The following PID1 variants were observed in gnomAD, a reference collection of about 807,000 sequenced individuals.
PID1 encodes the protein phosphotyrosine interaction domain containing 1.
In PID1, 10 loss-of-function variants were observed where a neutral mutation model predicts 19.1. That is an observed-to-expected ratio of 0.52 (90% CI 0.32 to 0.89). The LOEUF (loss-of-function observed/expected upper bound fraction) is 0.89. Ranked by LOEUF, PID1 falls within the 40% of genes least tolerant of loss-of-function variation. PID1 has a pLI of 0.03. For synonymous variants in PID1, 130 were observed against 116.0 expected, an observed-to-expected ratio of 1.12 and a Z score of -0.78; for missense variants, 248 against 285.3, an observed-to-expected ratio of 0.87 and a Z score of 0.94.
intron 2 of PID1, among the ~76,000 whole-genome samples, chr2:229,125,080 T>G (rs1644247835): frequency 6.6e-6 from 1 of 152,230 alleles, no homozygotes; most frequent in African/African-American, 2.4e-5. Context: ...GATCAGACTT[T>G]ACTCTTTCAA....
chr2:229,223,909 CT>C (rs1352703801), intron 1 of PID1, among the ~76,000 whole-genome samples: 1 of 152,180 alleles, frequency 6.6e-6, no homozygotes, highest in African/African-American at 2.4e-5. Context: ...CCAATCGGTA[CT>C]TTTTCAACCC....
intron 2 of PID1, among the ~76,000 whole-genome samples, chr2:229,146,771 T>C (rs1332175812): frequency 3.9e-5 from 6 of 152,030 alleles, no homozygotes; most frequent in Admixed American, 3.9e-4. Flanking sequence ...ACAAGTGTCC[T>C]TATAAGAAAG....
At chr2:229,203,861 T>C (rs1410071967) in intron 1 of PID1, among the ~76,000 whole-genome samples, 1 of 152,078 alleles carries the variant, frequency 6.6e-6, no homozygotes, top group Non-Finnish European at 1.5e-5. Context: ...CCTTCAGATT[T>C]CATTTTAATG....
chr2:229,184,474 ATCCC>A (rs1337597265), intron 1 of PID1, among the ~76,000 whole-genome samples: 1 of 22,286 alleles, frequency 4.5e-5, no homozygotes, highest in African/African-American at 3.5e-4. Flanking sequence ...GTATATATAT[ATCCC>A]GTATATATAT....
At chr2:229,184,978 A>AC (rs1691089856) in intron 1 of PID1, among the ~76,000 whole-genome samples, 1 of 26,964 alleles carries the variant, frequency 3.7e-5, no homozygotes, top group South Asian at 5.8e-4. Context: ...TATACTATAT[A>AC]TATACTATAT....
intron 2 of PID1, among the ~76,000 whole-genome samples, chr2:229,106,037 C>T (rs558538548): frequency 1.4e-5 from 2 of 140,082 alleles, no homozygotes; most frequent in South Asian, 4.4e-4. Context: ...TGAGATTGCG[C>T]CACTGCATTC....
chr2:229,202,653 T>G (rs1333980891), intron 1 of PID1, among the ~76,000 whole-genome samples: 3 of 152,080 alleles, frequency 2.0e-5, no homozygotes, highest in Non-Finnish European at 4.4e-5. Context: ...AAGCTAAATC[T>G]TCCTGTCACC....
chr2:229,116,788 A>G, intron 2 of PID1, among the ~76,000 whole-genome samples: 1 of 152,138 alleles, frequency 6.6e-6, no homozygotes, highest in Non-Finnish European at 1.5e-5. Flanking sequence ...GAACAGACTA[A>G]TACAGTTGCC....
intron 1 of PID1, among the ~76,000 whole-genome samples, chr2:229,212,933 C>T (rs1011649315): frequency 6.6e-6 from 1 of 152,052 alleles, no homozygotes; most frequent in Non-Finnish European, 1.5e-5. Context: ...TCCCGTGACC[C>T]CAAGCTAGTT....
chr2:229,070,155 T>G (rs764909563), intron 2 of PID1, among the ~76,000 whole-genome samples: 1 of 152,150 alleles, frequency 6.6e-6, no homozygotes, highest in Non-Finnish European at 1.5e-5. Flanking sequence ...TTTCTAAATA[T>G]GTAAGAGCTG....
intron 2 of PID1, among the ~76,000 whole-genome samples, chr2:229,064,439 G>A (rs901606604): frequency 6.6e-6 from 1 of 152,092 alleles, no homozygotes; most frequent in African/African-American, 2.4e-5. Context: ...AGATGAGTTT[G>A]TTTATCAGCC....
chr2:229,252,941 T>C (rs1181970032), intron 1 of PID1, among the ~76,000 whole-genome samples: 5 of 152,184 alleles, frequency 3.3e-5, no homozygotes, highest in Admixed American at 6.5e-5. Context: ...AGATGAACTT[T>C]CCTGGATCCA....
intron 1 of PID1, among the ~76,000 whole-genome samples, chr2:229,205,046 T>A (rs559482514): frequency 1.3e-5 from 2 of 152,250 alleles, no homozygotes; most frequent in East Asian, 3.9e-4. Flanking sequence ...GAAGGTAATG[T>A]TTTTCTACAT....
chr2:229,126,027 TG>T (rs1695615784), intron 2 of PID1, among the ~76,000 whole-genome samples: 3 of 152,316 alleles, frequency 2.0e-5, no homozygotes, highest in African/African-American at 7.2e-5. Context: ...GTCAATTCTC[TG>T]CATAGTTATA....
At chr2:229,040,275 G>A (rs946092766) in intron 2 of PID1, among the ~76,000 whole-genome samples, 2 of 151,820 alleles carry the variant, frequency 1.3e-5, no homozygotes, top group East Asian at 1.9e-4. Context: ...AAAAAAAATC[G>A]CGGCACTGCA....
chr2:229,198,986 T>C (rs1381358203), intron 1 of PID1, among the ~76,000 whole-genome samples: 1 of 152,028 alleles, frequency 6.6e-6, no homozygotes, highest in African/African-American at 2.4e-5. Flanking sequence ...TATCCCAAAC[T>C]CCGTACCATG....
chr2:229,154,873 C>G (rs745921699), intron 2 of PID1, among the ~76,000 whole-genome samples: 4 of 152,140 alleles, frequency 2.6e-5, no homozygotes, highest in Non-Finnish European at 4.4e-5. Context: ...AAATTGATTA[C>G]TATATTCATC....
At chr2:229,073,784 A>G (rs763465475) in intron 2 of PID1, among the ~76,000 whole-genome samples, 1 of 152,260 alleles carries the variant, frequency 6.6e-6, no homozygotes, top group Non-Finnish European at 1.5e-5. Context: ...GGCAATTATG[A>G]AGAAAGCCGG....
chr2:229,088,324 G>T (rs1694808503), intron 2 of PID1, among the ~76,000 whole-genome samples: 1 of 152,264 alleles, frequency 6.6e-6, no homozygotes, highest in South Asian at 2.1e-4. Flanking sequence ...CTAAGGCTAT[G>T]ATGATAAAGA....
Sources: gnomAD v4.1 joint callset for allele counts (sites outside exome capture counted in the v4.1 genomes callset) on GRCh38, gnomAD v4.1.1 for gene constraint, MANE v1.5 for transcripts, NCBI Gene and HGNC (gene_info 2026-07-23, HGNC 2026-07-21) for gene names.